Variants in IL17RD observed in about 807,000 individuals in gnomAD.
IL17RD encodes the protein interleukin-17 receptor D.
In IL17RD, 52 loss-of-function variants were observed where a neutral mutation model predicts 80.5. The ratio of observed to expected loss-of-function variants is 0.65; its 90% CI spans 0.52 to 0.81. The LOEUF is 0.81. IL17RD is among the 40% of genes least tolerant of loss of function. The pLI is 0.00. For synonymous variants in IL17RD, 416 were observed against 391.8 expected (o/e 1.06, Z -0.73); for missense variants, 1,024 against 955.1 (o/e 1.07, Z -0.95).
intron 1 of IL17RD, chr3:57,134,615 G>T: frequency 1.1e-6 from 1 of 918,850 alleles, no homozygotes. Context: ...ACCAGGCTAA[G>T]GCCCGCAGGT....
At chr3:57,105,536 C>CAAAAAAAAAAAAAAAAAAAA (rs745910085) in intron 7 of IL17RD, among the ~76,000 whole-genome samples, 7 of 35,606 alleles carry the variant, frequency 2.0e-4, no homozygotes, top group Non-Finnish European at 3.0e-4. Flanking sequence ...GACTCCATCT[C>CAAAAAAAAAAAAAAAAAAAA]AAAAAAAAAA....
At chr3:57,105,796 C>T in intron 7 of IL17RD, 61 bp downstream of exon 7, 2 of 1,477,322 alleles carry the variant, frequency 1.4e-6, no homozygotes, top group Non-Finnish European at 1.8e-6. Context: ...ACCCAAATTC[C>T]AGTGGCCTGG....
Position 57,106,171 on chromosome 3 carries a change from G to A in IL17RD, c.551-17C>T, listed in dbSNP as rs181087644. Reference sequence around the variant, plus strand: ...GGTCACAGGCTATTAAGAGAATAAAGATACATGTTTTTAGTTTTAGGACAG... The same window carrying A: ...GGTCACAGGCTATTAAGAGAATAAAAATACATGTTTTTAGTTTTAGGACAG... On this transcript the variant is annotated splice_polypyrimidine_tract_variant and intron_variant, in intron 5 of 12. Transcript: ENST00000296318. The A allele has an allele frequency of 6.9e-6, 11 of 1,599,446 alleles. No individual in the cohort carries two copies. Among genetic ancestry groups the A allele is most frequent in the Admixed American group, 3.4e-5 (2 of 58,830 alleles).
chr3:57,128,448 C>T (rs6768368), intron 1 of IL17RD, among the ~76,000 whole-genome samples: 22,506 of 152,002 alleles, frequency 0.15, 2,229 homozygotes, highest in East Asian at 0.38. Flanking sequence ...AACATGAGGC[C>T]GACCCATGCC....
In IL17RD at chr3:57,097,697, A is replaced by G. The variant is rs1289515252; in HGVS notation, c.2006T>C (p.Val669Ala). 3 of 1,605,990 alleles carry G rather than the reference A, an allele frequency of 1.9e-6. No homozygotes were observed. Among genetic ancestry groups the G allele is most frequent in the Non-Finnish European group, 8.5e-7 (1 of 1,176,452 alleles). Residue 669 changes from valine to alanine, a missense_variant, in exon 12 of 13, where the codon GTG (valine) becomes GCG (alanine). Coordinates refer to ENST00000296318, the MANE Select transcript of IL17RD (RefSeq NM_017563.5). ...TGGCAGAGACAGCTCGGATGAGGGCACAGACGAGTCATAGATGCCTGAGTC... is the reference window on the plus strand; with the variant it reads ...TGGCAGAGACAGCTCGGATGAGGGCGCAGACGAGTCATAGATGCCTGAGTC... Reference protein sequence around the residue: ...PRDSGIYDSSVPSSELSLPLM... With the variant: ...PRDSGIYDSSAPSSELSLPLM...
intron 11 of IL17RD, among the ~76,000 whole-genome samples, chr3:57,100,899 T>G (rs752337706): frequency 1.3e-5 from 2 of 152,256 alleles, no homozygotes; most frequent in East Asian, 1.9e-4. Context: ...GCTACTGGTC[T>G]TCTTAATGCT....
chr3:57,160,799 T>C (rs976359833), intron 1 of IL17RD, among the ~76,000 whole-genome samples: 7 of 152,226 alleles, frequency 4.6e-5, no homozygotes, highest in Non-Finnish European at 8.8e-5. Context: ...ATGCGTATCC[T>C]CAAAAGAATT....
At chr3:57,124,321 A>C (rs1026644628) in intron 1 of IL17RD, among the ~76,000 whole-genome samples, 1 of 152,188 alleles carries the variant, frequency 6.6e-6, no homozygotes, top group Non-Finnish European at 1.5e-5. Context: ...ATGCTATTTT[A>C]CAGAGCAAAA....
intron 1 of IL17RD, among the ~76,000 whole-genome samples, chr3:57,150,069 C>A (rs1486344444): frequency 6.6e-6 from 1 of 152,246 alleles, no homozygotes; most frequent in African/African-American, 2.4e-5. Context: ...CCTCCAAAAC[C>A]CTGGCAATCA....
chr3:57,165,379 G>GGCA (rs1466031766), upstream of IL17RD: 1 of 1,081,240 alleles, frequency 9.2e-7, no homozygotes, highest in Admixed American at 4.8e-5. Context: ...CGGCCGCGGC[G>GGCA]GCAGCGAAGG....
At chr3:57,128,379 A>G (rs1308538487) in intron 1 of IL17RD, among the ~76,000 whole-genome samples, 2 of 152,200 alleles carry the variant, frequency 1.3e-5, no homozygotes, top group African/African-American at 4.8e-5. Flanking sequence ...CAGCACACAC[A>G]TGTTCCTAAT....
intron 3 of IL17RD, among the ~76,000 whole-genome samples, chr3:57,113,644 T>C (rs1005819916): frequency 7.2e-5 from 11 of 152,166 alleles, no homozygotes; most frequent in Non-Finnish European, 1.3e-4. Context: ...GCTCAACTGA[T>C]CCTCCTGCCT....
chr3:57,127,269 T>A (rs1256211129), intron 1 of IL17RD, among the ~76,000 whole-genome samples: 1 of 96,154 alleles, frequency 1.0e-5, no homozygotes, highest in African/African-American at 5.5e-5. Context: ...TATAAATATA[T>A]ATAAAAATAT....
At chr3:57,145,647 G>A (rs970739569) in intron 1 of IL17RD, among the ~76,000 whole-genome samples, 1 of 152,184 alleles carries the variant, frequency 6.6e-6, no homozygotes, top group South Asian at 2.1e-4. Flanking sequence ...TAGCAAAAGA[G>A]GTGGGCAACT....
chr3:57,168,230 C>T (rs902814334), upstream of IL17RD, among the ~76,000 whole-genome samples: 2 of 152,302 alleles, frequency 1.3e-5, no homozygotes, highest in Admixed American at 6.5e-5. Flanking sequence ...TTAGAGAAAA[C>T]TGTTTCTCCC....
chr3:57,109,716 A>G, intron 4 of IL17RD, 59 bp from the exon 5 acceptor site: 2 of 1,567,508 alleles, frequency 1.3e-6, no homozygotes, highest in South Asian at 1.2e-5. Context: ...CTCCACCTTC[A>G]TAAGGTCTTC....
intron 1 of IL17RD, among the ~76,000 whole-genome samples, chr3:57,124,925 C>A (rs1707418623): frequency 1.3e-5 from 2 of 152,170 alleles, no homozygotes; most frequent in Non-Finnish European, 2.9e-5. Flanking sequence ...AACATGCACC[C>A]ATCAGAGCTG....
At chr3:57,098,880 A>G (rs1409947471) in intron 11 of IL17RD, among the ~76,000 whole-genome samples, 3 of 152,248 alleles carry the variant, frequency 2.0e-5, no homozygotes, top group African/African-American at 7.2e-5. Flanking sequence ...CAAGGAAGCA[A>G]CAGGTGGTAG....
intron 8 of IL17RD, 76 bp from the exon 9 acceptor site, chr3:57,103,221 C>A (rs778498161): frequency 6.4e-5 from 82 of 1,288,998 alleles, no homozygotes; most frequent in Non-Finnish European, 8.2e-5. Context: ...ATGGTAATTT[C>A]ATTCATCTTT....
Sources: allele counts gnomAD v4.1 joint callset (sites outside exome capture counted in the v4.1 genomes callset), GRCh38; gene constraint gnomAD v4.1.1; transcripts MANE v1.5; gene names NCBI Gene and HGNC (gene_info 2026-07-23, HGNC 2026-07-21).